Variants in TTN observed in about 807,000 individuals in gnomAD.
TTN encodes the protein titin.
A neutral mutation model predicts 3,223.0 loss-of-function variants in TTN; 1,525 were observed. The observed-to-expected ratio is 0.47, with a 90% CI of 0.45 to 0.49. TTN has a LOEUF of 0.49. Among genes scored for constraint, TTN ranks in the 20% least tolerant of loss-of-function variants. The pLI is 0.00. For missense variants in TTN, 40,786 were observed against 43,424.0 expected, an observed-to-expected ratio of 0.94 and a Z score of 5.40; for synonymous variants, 14,094 against 15,161.0, an observed-to-expected ratio of 0.93 and a Z score of 5.17.
At position 178,567,940 on chromosome 2, in the gene TTN, T is replaced by C. The variant is rs759190805; in HGVS notation, c.78192A>G (p.Arg26064=). Residue 26064 remains arginine, a synonymous_variant, in exon 326 of 363, where the codon AGA becomes AGG. Transcript: ENST00000589042. ...NLEEGIEYEF[R]VYAENIVGVG... ...CACCAACAATATTTTCAGCATACAC[T>C]CTGAATTCATATTCAATGCCTTCTT... 6.2e-7 allele frequency: 1 copy of C among 1,613,588 alleles called. No homozygotes were observed. Among genetic ancestry groups the C allele is most frequent in the Non-Finnish European group, 8.5e-7 (1 of 1,179,618 alleles).
chr2:178,585,302 C>G lies in TTN; in HGVS notation c.64442G>C (p.Gly21481Ala). ...ATGGGCTTCAATTCGGAGTTTTTTC[C>G]CAGCTTTGATAGTTATTTGCTCTGG... is the stretch of plus-strand genomic sequence containing the variant. ...LMPEQITIKA[G>A]KKLRIEAHVY... is the part of the protein sequence containing the mutation. Residue 21481 changes from glycine (G) to alanine (A), a missense_variant, in exon 309 of 363, where the codon GGG becomes GCG. Gly to Ala is a moderately conservative substitution (Grantham distance 60). Coordinates refer to ENST00000589042, the MANE Select transcript of TTN (RefSeq NM_001267550.2). 6.2e-7 allele frequency: 1 copy of G among 1,610,936 alleles called. No homozygotes were observed. The highest frequency in any genetic ancestry group is 1.1e-5 in the South Asian group (1 of 90,534).
In TTN at chr2:178,729,133, G is replaced by T. The variant is rs766831279; in HGVS notation, c.18905C>A (p.Thr6302Asn). ...GGTGGCAGAACTTTTCAAAACAGTA[G>T]TGGTATTTTCTATCTTCTTAATGAA... ...PSFIKKIENTTTVLKSSATFQ... is the reference protein window; with the variant it reads ...PSFIKKIENTNTVLKSSATFQ... Residue 6302 changes from threonine to asparagine, a missense_variant, in exon 65 of 363, where the codon ACT (threonine) becomes AAT (asparagine). Coordinates refer to ENST00000589042, the MANE Select transcript of TTN (RefSeq NM_001267550.2). 5 of 1,601,316 alleles carry T rather than the reference G, an allele frequency of 3.1e-6. No individual in the cohort carries two copies. The highest frequency in any genetic ancestry group is 3.4e-5 in the Admixed American group (2 of 58,368).
chr2:178,630,154 T>G (rs1424585214), intron 239 of TTN, 87 bp downstream of exon 239: 47 of 1,567,708 alleles, frequency 3.0e-5, no homozygotes, highest in Non-Finnish European at 3.7e-5. Context: ...ATTTTCTAAC[T>G]AATAAAATAG....
chr2:178,540,510 T>C (rs1184705720), intron 350 of TTN, 140 bp from the exon 351 acceptor site: 4 of 762,372 alleles, frequency 5.2e-6, no homozygotes, highest in Non-Finnish European at 8.2e-6. Flanking sequence ...ATTTTATTCA[T>C]GGCTGGGTGT....
At chr2:178,708,943 T>C (rs933909402) in intron 99 of TTN, among the ~76,000 whole-genome samples, 1 of 152,178 alleles carries the variant, frequency 6.6e-6, no homozygotes, top group East Asian at 1.9e-4. Flanking sequence ...GATAAAGATA[T>C]CCTTAAACAA....
rs2052624292 is a variant in TTN, at chr2:178,599,166, T to C, written c.56627A>G (p.Glu18876Gly). ...GIGEPLDSEP[E>G]TARNLFSVPG... The stretch of plus-strand genomic sequence containing the variant: ...CTTACAGAAGAGGTTTCTTGCTGTT[T>C]CAGGTTCACTGTCAAGAGGTTCTCC... The change falls in exon 290 of 363, where the codon GAA becomes GGA. Residue 18876 changes from glutamate to glycine, a missense_variant. Coordinates refer to ENST00000589042, the MANE Select transcript of TTN (RefSeq NM_001267550.2). 6.6e-7 allele frequency: 1 copy of C among 1,507,794 alleles called. No individual in the cohort carries two copies. Among genetic ancestry groups the C allele is most frequent in the Non-Finnish European group, 8.8e-7 (1 of 1,132,184 alleles). 93.4% of individuals were successfully genotyped at this position (1,507,794 alleles called of 1,614,324 possible).
Position 178,724,476 on chromosome 2 carries a change from G to C in TTN, c.20899C>G (p.Leu6967Val). The change falls in exon 72 of 363, where the codon CTG becomes GTG. Residue 6967 changes from leucine to valine, a missense_variant. Physicochemically the swap from Leu to Val is conservative, Grantham distance 32. Coordinates refer to ENST00000589042, the MANE Select transcript of TTN (RefSeq NM_001267550.2). ...GGAGTGCCAGCCACCTTACACTCCA[G>C]AGTGCACGTTTCTCCTACAGTCACC... Reference protein sequence around the residue: ...MTVTVGETCTLECKVAGTPEL... With the variant: ...MTVTVGETCTVECKVAGTPEL... 1 of 1,613,022 alleles carries C rather than the reference G, an allele frequency of 6.2e-7. No homozygotes were observed. Among genetic ancestry groups the C allele is most frequent in the Non-Finnish European group, 8.5e-7 (1 of 1,179,310 alleles).
Position 178,548,239 on chromosome 2 carries a change from G to A in TTN, c.93387C>T (p.Ser31129=), listed in dbSNP as rs35445420. The A allele has an allele frequency of 0.025, 39,698 of 1,613,804 alleles. 631 individuals carry two copies. Among genetic ancestry groups the A allele is most frequent in the Non-Finnish European group, 0.029 (34,340 of 1,179,796 alleles). ...RLDVVDTSKS[S]AVLAWLKPDH... is the part of the protein sequence containing the mutation. The stretch of plus-strand genomic sequence containing the variant: ...CAGGTTTAAGCCAAGCTAAGACTGC[G>A]GAGGATTTGCTAGTATCAACAACAT... Residue 31129 remains serine (S), a synonymous_variant, in exon 339 of 363, where the codon TCC becomes TCT. Coordinates refer to ENST00000589042, the MANE Select transcript of TTN (RefSeq NM_001267550.2). The surrounding 1 kb of genome is among the most constrained non-coding windows in gnomAD (Gnocchi z 4.3).
rs2742354 is a variant in TTN at position 178,652,927 on chromosome 2, T to G, written c.38880A>C (p.Pro12960=). ...CAGGAACAACCTCTATGGGAGCCTC[T>G]GGCACTTAAAAGATATTAGTGAAAT... ...KKPEVPPVKV[P]EAPIEVVPEK... is the part of the protein sequence containing the mutation. The change falls in exon 200 of 363, where the codon CCA becomes CCC. Residue 12960 remains proline (P), a synonymous_variant. Coordinates refer to ENST00000589042, the MANE Select transcript of TTN (RefSeq NM_001267550.2). 1 of 1,606,094 alleles carries G rather than the reference T, an allele frequency of 6.2e-7. No individual in the cohort carries two copies.
Position 178,563,543 on chromosome 2 carries a change from C to G in TTN, c.82589G>C (p.Arg27530Thr). 1.2e-6 allele frequency: 2 copies of G among 1,613,814 alleles called. No individual in the cohort carries two copies. Among genetic ancestry groups the G allele is most frequent in the Non-Finnish European group, 1.7e-6 (2 of 1,179,762 alleles). The change falls in exon 326 of 363, where the codon AGG (arginine) becomes ACG (threonine). Residue 27530 changes from arginine to threonine, a missense_variant. Coordinates refer to ENST00000589042, the MANE Select transcript of TTN (RefSeq NM_001267550.2). The surrounding 1 kb of genome is among the most constrained non-coding windows in gnomAD (Gnocchi z 4.5). Reference sequence around the variant, plus strand: ...ATGGCCTTCGGTAAGACCAGTTACCCTGAGCCGCAGATCCGTTAATGTTTT... The same window carrying G: ...ATGGCCTTCGGTAAGACCAGTTACCGTGAGCCGCAGATCCGTTAATGTTTT... ...NKKTLTDLRLRVTGLTEGHSY... is the reference protein window; with the variant it reads ...NKKTLTDLRLTVTGLTEGHSY...
In TTN at chr2:178,722,265, C is replaced by A. The variant is rs1241417806; in HGVS notation, c.22522G>T (p.Ala7508Ser). 1.3e-6 allele frequency: 2 copies of A among 1,577,156 alleles called. No homozygotes were observed. Among genetic ancestry groups the A allele is most frequent in the East Asian group, 2.2e-5 (1 of 44,540 alleles). ...GTASSSARLT[A>S]REPKKSPFFD... ...GAGTGACGTGTGAACAAACCTCTTG[C>A]TGTGAGTCTAGCACTAGAAGATGCT... The change falls in exon 77 of 363, where the codon GCA (alanine) becomes TCA (serine). Residue 7508 changes from alanine (A) to serine (S), a missense_variant. Transcript: ENST00000589042.
Position 178,725,882 on chromosome 2 carries a change from A to C in TTN, c.20440T>G (p.Phe6814Val), listed in dbSNP as rs1371961339. Residue 6814 changes from phenylalanine (F) to valine (V), a missense_variant, in exon 70 of 363, where the codon TTC (phenylalanine) becomes GTC (valine). Transcript: ENST00000589042. ...TTGAGAATGTGAATACTTGTGTGGA[A>C]GTTTTTGGATGCAATCTTGTATTTC... ...SKKYKIASKN[F>V]HTSIHILNVD... 1 of 1,613,176 alleles carries C rather than the reference A, an allele frequency of 6.2e-7. No homozygotes were observed. Among genetic ancestry groups the C allele is most frequent in the Non-Finnish European group, 8.5e-7 (1 of 1,179,484 alleles).
At chr2:178,748,035 G>C in intron 47 of TTN, 1 of 1,612,958 alleles carries the variant, frequency 6.2e-7, no homozygotes, top group African/African-American at 1.3e-5. Flanking sequence ...GCCAACTCTG[G>C]TTCTAGAGTG....
intron 216 of TTN, 111 bp from the exon 217 acceptor site, chr2:178,646,141 T>C (rs1576874515): frequency 6.2e-6 from 1 of 162,194 alleles, no homozygotes; most frequent in East Asian, 1.5e-4. Flanking sequence ...TATATATATA[T>C]ATATATGAAG....
chr2:178,591,056 A>G lies in TTN; in HGVS notation c.60669T>C (p.Ser20223=). ...TCAGCTTTGTCTTACTGCTTCCGGA[A>G]GAGACAACACCCCACGTGTCTTTCC... is the stretch of plus-strand genomic sequence containing the variant. ...DTRKDTWGVV[S]SGSSKTKLKI... Residue 20223 remains serine (S), a synonymous_variant, in exon 304 of 363, where the codon TCT becomes TCC. Transcript: ENST00000589042. The G allele has an allele frequency of 6.2e-7, 1 of 1,613,390 alleles. No homozygotes were observed. The highest frequency in any genetic ancestry group is 1.1e-5 in the South Asian group (1 of 91,058).
chr2:178,570,735 C>A lies in TTN; in HGVS notation c.75397G>T (p.Ala25133Ser), dbSNP rs775396902. 6.2e-7 allele frequency: 1 copy of A among 1,613,554 alleles called. No homozygotes were observed. The highest frequency in any genetic ancestry group is 8.5e-7 in the Non-Finnish European group (1 of 1,179,612). ...GGTATTGGTTTGCCATAAATATCTG[C>A]ATCAACCTTGAATGATTCACCAGCA... is the stretch of plus-strand genomic sequence containing the variant. ...VHAGESFKVDADIYGKPIPTI... is the reference protein window; with the variant it reads ...VHAGESFKVDSDIYGKPIPTI... Residue 25133 changes from alanine (A) to serine (S), a missense_variant, in exon 326 of 363, where the codon GCA becomes TCA. Ala to Ser is a moderately conservative substitution (Grantham distance 99, BLOSUM62 1). Transcript: ENST00000589042.
chr2:178,699,749 CGG>C (rs2074584807), intron 111 of TTN, among the ~76,000 whole-genome samples: 2 of 95,258 alleles, frequency 2.1e-5, no homozygotes, highest in East Asian at 6.2e-4. Flanking sequence ...TTTTTTGAGA[CGG>C]AGTCTCACTC....
chr2:178,587,512 C>G lies in TTN; in HGVS notation c.63793+4G>C, dbSNP rs777513250. The stretch of plus-strand genomic sequence containing the variant: ...TGGGAGGGAGAAGCATTTTAGTAAC[C>G]CACCTAATACTCTGACATTTACGAA... On this transcript the variant is annotated splice_donor_region_variant and intron_variant, in intron 306 of 362. Coordinates refer to ENST00000589042, the MANE Select transcript of TTN (RefSeq NM_001267550.2). The G allele has an allele frequency of 6.2e-7, 1 of 1,603,616 alleles. No individual in the cohort carries two copies. Among genetic ancestry groups the G allele is most frequent in the Admixed American group, 1.7e-5 (1 of 58,198 alleles).
chr2:178,735,529 C>T lies in TTN; in HGVS notation c.14917G>A (p.Ala4973Thr). Residue 4973 changes from alanine (A) to threonine (T), a missense_variant, in exon 50 of 363, where the codon GCC becomes ACC. Ala to Thr is a moderately conservative substitution (Grantham distance 58, BLOSUM62 0). Transcript: ENST00000589042. ...TTCTTACCTCTGACAGTGACTGTGG[C>T]TGAGCAGGAGCTGCTTCCAGCCTCA... ...SNEAGSSSCS[A>T]TVTVREPPSF... 6.3e-7 allele frequency: 1 copy of T among 1,588,716 alleles called. No individual in the cohort carries two copies. The highest frequency in any genetic ancestry group is 8.5e-7 in the Non-Finnish European group (1 of 1,169,770).
Sources: gnomAD v4.1 joint callset for allele counts (sites outside exome capture counted in the v4.1 genomes callset) on GRCh38, gnomAD v4.1.1 for gene constraint, Gnocchi (gnomAD v3.1) non-coding constraint, MANE v1.5 for transcripts, NCBI Gene and HGNC (gene_info 2026-07-23, HGNC 2026-07-21) for gene names.